Variants in IL1RAPL1 observed in about 807,000 individuals in gnomAD.
IL1RAPL1 encodes interleukin 1 receptor accessory protein like 1, also known as interleukin-1 receptor accessory protein-like 1.
A neutral mutation model predicts 48.4 loss-of-function variants in IL1RAPL1; 3 were observed. The observed-to-expected ratio is 0.06, with a 90% confidence interval of 0.03 to 0.16. The LOEUF (loss-of-function observed/expected upper bound fraction) is 0.16, where lower values mean the gene tolerates loss of function less well. Among genes scored for constraint, IL1RAPL1 ranks in the 10% least tolerant of loss-of-function variants. The pLI is 1.00. For synonymous variants in IL1RAPL1, 185 were observed against 187.7 expected (o/e 0.99, Z 0.12); for missense variants, 349 against 530.6 (o/e 0.66, Z 3.36).
chrX:29,933,770 TTA>T (rs1474293031), intron 8 of IL1RAPL1, among the ~76,000 whole-genome samples: 4 of 110,145 alleles, frequency 3.6e-5, no homozygotes, highest in Admixed American at 1.9e-4. Context: ...AAATGAAATA[TTA>T]TGTTATATAG....
At chrX:29,339,294 ATTACT>A (rs1933042170) in intron 3 of IL1RAPL1, among the ~76,000 whole-genome samples, 1 of 111,927 alleles carries the variant, frequency 8.9e-6, no homozygotes, top group Non-Finnish European at 1.9e-5. Context: ...CTGAGCATCA[ATTACT>A]TCACTGTAAA....
chrX:29,564,285 A>T (rs1922330644), intron 5 of IL1RAPL1, among the ~76,000 whole-genome samples: 1 of 112,375 alleles, frequency 8.9e-6, no homozygotes, highest in African/African-American at 3.2e-5. Flanking sequence ...GTAGCAAATA[A>T]GCATGATTAT....
At chrX:29,044,634 C>A (rs1227660765) in intron 2 of IL1RAPL1, among the ~76,000 whole-genome samples, 2 of 110,458 alleles carry the variant, frequency 1.8e-5, no homozygotes, top group African/African-American at 6.6e-5. Context: ...GATCTTATTT[C>A]TTCAGAGTAA....
At chrX:29,089,771 T>C (rs1356406917) in intron 2 of IL1RAPL1, among the ~76,000 whole-genome samples, 1 of 80,391 alleles carries the variant, frequency 1.2e-5, no homozygotes, top group South Asian at 6.9e-4. Context: ...TATATATATA[T>C]ATATATATAT....
chrX:28,643,649 ATT>A (rs1217389721), intron 1 of IL1RAPL1, among the ~76,000 whole-genome samples: 323 of 111,924 alleles, frequency 2.9e-3, no homozygotes, highest in African/African-American at 9.4e-3. Context: ...AAAAAACTTA[ATT>A]AAAAGTAGCT....
At chrX:29,643,589 G>T (rs1925230690) in intron 5 of IL1RAPL1, among the ~76,000 whole-genome samples, 1 of 111,954 alleles carries the variant, frequency 8.9e-6, no homozygotes, top group African/African-American at 3.2e-5. Context: ...GAGATAATTA[G>T]TACCTGGCCT....
At chrX:29,255,294 C>T (rs1931738615) in intron 2 of IL1RAPL1, among the ~76,000 whole-genome samples, 1 of 109,201 alleles carries the variant, frequency 9.2e-6, no homozygotes, top group African/African-American at 3.3e-5. Flanking sequence ...ATATTTTTTT[C>T]CCTCTTCTTC....
chrX:28,777,379 A>C (rs917098249), intron 1 of IL1RAPL1, among the ~76,000 whole-genome samples: 3 of 111,992 alleles, frequency 2.7e-5, no homozygotes, highest in African/African-American at 9.7e-5. Flanking sequence ...TCCTTTTGAC[A>C]TGTAAGGTAA....
intron 5 of IL1RAPL1, among the ~76,000 whole-genome samples, chrX:29,462,585 C>T (rs1391305961): frequency 9.0e-6 from 1 of 111,570 alleles, no homozygotes; most frequent in Non-Finnish European, 1.9e-5. Flanking sequence ...CAGGGAGTCA[C>T]AGCCTCTAGC....
chrX:29,135,360 C>T (rs1415474974), intron 2 of IL1RAPL1, among the ~76,000 whole-genome samples: 1 of 111,983 alleles, frequency 8.9e-6, no homozygotes. Flanking sequence ...ACAGGTTTGA[C>T]TTATTTTGAT....
intron 2 of IL1RAPL1, among the ~76,000 whole-genome samples, chrX:28,929,896 A>G (rs1399955960): frequency 8.9e-6 from 1 of 112,123 alleles, no homozygotes; most frequent in Non-Finnish European, 1.9e-5. Flanking sequence ...AAAAAGATAT[A>G]TTTTGTTTTC....
At chrX:28,659,336 C>T (rs1177921344) in intron 1 of IL1RAPL1, 2 of 552,499 alleles carry the variant, frequency 3.6e-6, no homozygotes, top group African/African-American at 4.5e-5. Flanking sequence ...TGCCACAGTA[C>T]CAGGCCTGTA....
intron 5 of IL1RAPL1, among the ~76,000 whole-genome samples, chrX:29,632,667 G>A (rs1170098832): frequency 8.9e-6 from 1 of 111,969 alleles, no homozygotes; most frequent in Non-Finnish European, 1.9e-5. Context: ...CATCTGTGTA[G>A]GCAAGGAGGA....
intron 2 of IL1RAPL1, among the ~76,000 whole-genome samples, chrX:29,267,440 C>T (rs1387317630): frequency 8.9e-6 from 1 of 111,799 alleles, no homozygotes; most frequent in African/African-American, 3.2e-5. Flanking sequence ...CATTATATTA[C>T]TTAAAGTAGT....
intron 1 of IL1RAPL1, among the ~76,000 whole-genome samples, chrX:28,706,877 G>T (rs1391817882): frequency 2.7e-5 from 3 of 111,960 alleles, no homozygotes; most frequent in Non-Finnish European, 3.8e-5. Context: ...GTTTTTGGGG[G>T]CCAGATGCAC....
intron 6 of IL1RAPL1, among the ~76,000 whole-genome samples, chrX:29,879,042 G>A (rs1200579542): frequency 1.8e-5 from 2 of 111,170 alleles, no homozygotes; most frequent in Non-Finnish European, 3.8e-5. Flanking sequence ...AACCAACTGC[G>A]ATACAGACAT....
At chrX:29,644,599 C>T (rs751888604) in intron 5 of IL1RAPL1, among the ~76,000 whole-genome samples, 1 of 109,966 alleles carries the variant, frequency 9.1e-6, no homozygotes, top group Non-Finnish European at 1.9e-5. Context: ...CACGTGCTCA[C>T]TCTGTCAACC....
At chrX:29,511,028 C>A (rs727561) in intron 5 of IL1RAPL1, among the ~76,000 whole-genome samples, 44,023 of 110,388 alleles carry the variant, frequency 0.4, 6,647 homozygotes, top group East Asian at 0.7. Flanking sequence ...GAGATGATCT[C>A]TACCCATGGA....
At chrX:28,767,044 T>C (rs1049917396) in intron 1 of IL1RAPL1, among the ~76,000 whole-genome samples, 4 of 111,808 alleles carry the variant, frequency 3.6e-5, no homozygotes, top group Non-Finnish European at 7.5e-5. Flanking sequence ...TCCTTTCTTT[T>C]GGGTATATAC....
Sources: gnomAD v4.1 joint callset for allele counts (sites outside exome capture counted in the v4.1 genomes callset) on GRCh38, gnomAD v4.1.1 for gene constraint, MANE v1.5 for transcripts, NCBI Gene and HGNC (gene_info 2026-07-23, HGNC 2026-07-21) for gene names.